The following PRDX5 variants were observed in gnomAD, a reference collection of about 807,000 sequenced individuals.
PRDX5 encodes the protein peroxiredoxin-5, mitochondrial.
Under a neutral mutation model 23.8 loss-of-function variants are expected in PRDX5, and 21 were observed. That is an observed-to-expected ratio of 0.88 (90% confidence interval 0.63 to 1.27). The LOEUF (loss-of-function observed/expected upper bound fraction) is 1.27, where lower values mean the gene tolerates loss of function less well. PRDX5 is among the 50% of genes most tolerant of loss of function. PRDX5 has a pLI of 0.00. For synonymous variants in PRDX5, 111 were observed against 113.3 expected (o/e 0.98, Z 0.13); for missense variants, 261 against 270.6 (o/e 0.96, Z 0.25).
In PRDX5 at chr11:64,321,689, T is replaced by C. The variant is rs2035504736; in HGVS notation, c.643T>C (p.Ter215ArgextTer?). Reference protein sequence around the residue: ...SLAPNIISQL* With the variant: ...SLAPNIISQLR ...GGCACCCAATATCATCTCACAGCTC[T>C]GAGGCCCTGGGCCAGATTACTTCCT... Residue 215 changes from the stop codon to arginine, a stop_lost, in exon 6 of 6, where the codon TGA (stop) becomes CGA (arginine). Coordinates refer to ENST00000265462, the MANE Select transcript of PRDX5 (RefSeq NM_012094.5). The C allele has an allele frequency of 6.4e-7, 1 of 1,570,654 alleles. No homozygotes were observed. Among genetic ancestry groups the C allele is most frequent in the South Asian group, 1.2e-5 (1 of 86,748 alleles).
In PRDX5 at chr11:64,318,286, A is replaced by C; in HGVS notation, c.71A>C (p.Gln24Pro). 1 of 1,612,470 alleles carries C rather than the reference A, an allele frequency of 6.2e-7. No homozygotes were observed. The highest frequency in any genetic ancestry group is 8.5e-7 in the Non-Finnish European group (1 of 1,179,870). ...ATACTCGTCGGTGGGGCCGGCGGTC[A>C]GTCTGCGGCAGCGGCAGCAAGACGG... is the stretch of plus-strand genomic sequence containing the variant. ...GYILVGGAGG[Q>P]SAAAAARRYS... The change falls in exon 1 of 6, where the codon CAG becomes CCG. Residue 24 changes from glutamine (Q) to proline (P), a missense_variant. Gln to Pro is a moderately conservative substitution (Grantham distance 76, BLOSUM62 -1). Coordinates refer to ENST00000265462, the MANE Select transcript of PRDX5 (RefSeq NM_012094.5).
At chr11:64,319,709 CT>C (rs2035437837) in intron 1 of PRDX5, 24 bp from the exon 2 acceptor site, 1 of 1,608,838 alleles carries the variant, frequency 6.2e-7, no homozygotes, top group East Asian at 2.2e-5. Context: ...CCTCACCCCC[CT>C]TACCCTGGAG....
Position 64,318,230 on chromosome 11 carries a change from C to A in PRDX5, c.15C>A (p.Gly5=). 6.2e-7 allele frequency: 1 copy of A among 1,611,746 alleles called. No homozygotes were observed. Among genetic ancestry groups the A allele is most frequent in the Non-Finnish European group, 8.5e-7 (1 of 1,179,806 alleles). MGLA[G]VCALRRSAGY... is the part of the protein sequence containing the mutation. ...GTGGGGCGGGTATGGGACTAGCTGG[C>A]GTGTGCGCCCTGAGACGCTCAGCGG... Residue 5 remains glycine (G), a synonymous_variant, in exon 1 of 6, where the codon GGC becomes GGA. Coordinates refer to ENST00000265462, the MANE Select transcript of PRDX5 (RefSeq NM_012094.5).
chr11:64,321,207 G>T (rs1350549695), intron 5 of PRDX5, 139 bp downstream of exon 5: 1 of 1,052,922 alleles, frequency 9.5e-7, no homozygotes, highest in Non-Finnish European at 1.4e-6. Context: ...AGTCGTCTGT[G>T]GGGAGAGTCC....
intron 5 of PRDX5, among the ~76,000 whole-genome samples, 174 bp downstream of exon 5, chr11:64,321,242 G>T (rs937257474): frequency 6.6e-6 from 1 of 151,440 alleles, no homozygotes; most frequent in Admixed American, 6.6e-5. Flanking sequence ...CCTCTGTGGA[G>T]AGAGTCCTCT....
rs1315351043 is a variant in PRDX5 at position 64,318,266 on chromosome 11, C to G, written c.51C>G (p.Leu17=). ...TGAGACGCTCAGCGGGCTATATACT[C>G]GTCGGTGGGGCCGGCGGTCAGTCTG... The part of the protein sequence containing the change: ...CALRRSAGYI[L]VGGAGGQSAA... The change falls in exon 1 of 6, where the codon CTC becomes CTG. Residue 17 remains leucine (L), a synonymous_variant. Coordinates refer to ENST00000265462, the MANE Select transcript of PRDX5 (RefSeq NM_012094.5). 2.5e-6 allele frequency: 4 copies of G among 1,612,386 alleles called. No homozygotes were observed. Among genetic ancestry groups the G allele is most frequent in the Non-Finnish European group, 3.4e-6 (4 of 1,179,900 alleles).
At position 64,318,335 on chromosome 11, in the gene PRDX5, T is replaced by C; in HGVS notation, c.120T>C (p.Ser40=). 6.2e-7 allele frequency: 1 copy of C among 1,612,428 alleles called. No individual in the cohort carries two copies. The highest frequency in any genetic ancestry group is 8.5e-7 in the Non-Finnish European group (1 of 1,179,702). The change falls in exon 1 of 6, where the codon TCT becomes TCC. Residue 40 remains serine (S), a synonymous_variant. Coordinates refer to ENST00000265462, the MANE Select transcript of PRDX5 (RefSeq NM_012094.5). ...ARRYSEGEWA[S]GGVRSFSRAA... is the part of the protein sequence containing the mutation. ...GGTACAGTGAAGGAGAGTGGGCGTC[T>C]GGCGGGGTCCGCAGTTTCAGCAGAG...
At chr11:64,320,432 A>G (rs2035463405) in intron 2 of PRDX5, among the ~76,000 whole-genome samples, 2 of 152,204 alleles carry the variant, frequency 1.3e-5, no homozygotes, top group African/African-American at 4.8e-5. Flanking sequence ...ACTCAGATAA[A>G]TAAGACATAG....
rs149410533 is a variant in PRDX5 at position 64,318,254 on chromosome 11, G to A, written c.39G>A (p.Ala13=). The change falls in exon 1 of 6, where the codon GCG becomes GCA. Residue 13 remains alanine, a synonymous_variant. Coordinates refer to ENST00000265462, the MANE Select transcript of PRDX5 (RefSeq NM_012094.5). ...GCGTGTGCGCCCTGAGACGCTCAGC[G>A]GGCTATATACTCGTCGGTGGGGCCG... ...LAGVCALRRS[A]GYILVGGAGG... The A allele has an allele frequency of 4.0e-4, 641 of 1,612,104 alleles. 1 individual carries two copies. The highest frequency in any genetic ancestry group is 6.5e-4 in the Middle Eastern group (3 of 4,642).
rs2035478044 is a variant in PRDX5 at position 64,320,913 on chromosome 11, C to T, written c.477+10C>T. The T allele has an allele frequency of 6.2e-7, 1 of 1,614,076 alleles. No individual in the cohort carries two copies. Among genetic ancestry groups the T allele is most frequent in the Admixed American group, 1.7e-5 (1 of 59,998 alleles). On this transcript the variant is annotated intron_variant, in intron 4 of 5. Transcript: ENST00000265462. ...TGGGGCCTTTGGGAAGGTGAGTGTT[C>T]CCCTGACCGCCACAGGGACATGGCA... is the stretch of plus-strand genomic sequence containing the variant.
At chr11:64,319,903 G>A in intron 2 of PRDX5, 35 bp downstream of exon 2, 1 of 1,609,422 alleles carries the variant, frequency 6.2e-7, no homozygotes, top group South Asian at 1.1e-5. Flanking sequence ...TCAGGACCTG[G>A]GATCTTTTGT....
At chr11:64,320,548 A>G (rs1012297914) in intron 2 of PRDX5, 113 bp from the exon 3 acceptor site, 52 of 1,442,156 alleles carry the variant, frequency 3.6e-5, no homozygotes, top group Non-Finnish European at 4.8e-5. Context: ...GACAGCTCTC[A>G]TTGTCTGATC....
Position 64,318,177 on chromosome 11 carries a change from C to T in PRDX5, c.-39C>T, listed in dbSNP as rs760081876. The T allele has an allele frequency of 3.7e-6, 6 of 1,608,820 alleles. No individual in the cohort carries two copies. In the Admixed American group the frequency reaches 6.7e-5, roughly 18 times the overall value. ...CGGTGCCCCGCCTGCTGCGGTGGCA[C>T]CAGCCAGGAGGCGGAGTGGAAGTGG... On this transcript the variant is annotated 5_prime_UTR_variant, in exon 1 of 6. Transcript: ENST00000265462.
At chr11:64,321,301 C>T (rs756718943) in intron 5 of PRDX5, among the ~76,000 whole-genome samples, 2 of 148,426 alleles carry the variant, frequency 1.3e-5, no homozygotes, top group African/African-American at 2.5e-5. Context: ...GGAGAGTCCT[C>T]TGTGTGGAGA....
rs376203241 is a variant in PRDX5, at chr11:64,318,404, C to T, written c.171+18C>T. 1.9e-6 allele frequency: 3 copies of T among 1,593,646 alleles called. No individual in the cohort carries two copies. Among genetic ancestry groups the T allele is most frequent in the East Asian group, 2.3e-5 (1 of 43,844 alleles). On this transcript the variant is annotated intron_variant, in intron 1 of 5. Coordinates refer to ENST00000265462, the MANE Select transcript of PRDX5 (RefSeq NM_012094.5). Reference sequence around the variant, plus strand: ...CAATCAAGGTGACCGCTGGCCCGGCCGGGCCTGACATCCCCCACTACCCCC... The same window carrying T: ...CAATCAAGGTGACCGCTGGCCCGGCTGGGCCTGACATCCCCCACTACCCCC...
chr11:64,318,837 A>ACCCCCCCC (rs374862180), intron 1 of PRDX5, among the ~76,000 whole-genome samples: 19 of 77,416 alleles, frequency 2.5e-4, no homozygotes, highest in African/African-American at 8.6e-4. Flanking sequence ...CCTCAGGTGA[A>ACCCCCCCC]CCCCCCCCGC....
chr11:64,319,952 C>T (rs2035446543), intron 2 of PRDX5, 84 bp downstream of exon 2: 1 of 1,510,610 alleles, frequency 6.6e-7, no homozygotes, highest in East Asian at 2.3e-5. Flanking sequence ...GATAGGACTC[C>T]TAAAAAGCAT....
At position 64,321,702 on chromosome 11, in the gene PRDX5, C is replaced by G; in HGVS notation, c.*11C>G. Reference sequence around the variant, plus strand: ...ATCTCACAGCTCTGAGGCCCTGGGCCAGATTACTTCCTCCACCCCTCCCTA... The same window carrying G: ...ATCTCACAGCTCTGAGGCCCTGGGCGAGATTACTTCCTCCACCCCTCCCTA... On this transcript the variant is annotated 3_prime_UTR_variant, in exon 6 of 6. Transcript: ENST00000265462. 6.4e-7 allele frequency: 1 copy of G among 1,555,230 alleles called. No individual in the cohort carries two copies. Among genetic ancestry groups the G allele is most frequent in the South Asian group, 1.2e-5 (1 of 85,142 alleles).
intron 5 of PRDX5, 55 bp downstream of exon 5, chr11:64,321,123 T>C: frequency 6.8e-7 from 1 of 1,475,180 alleles, no homozygotes; most frequent in South Asian, 1.6e-5. Flanking sequence ...GAGTCCTCTG[T>C]GGGAGAGAGT....
Sources: allele counts gnomAD v4.1 joint callset (sites outside exome capture counted in the v4.1 genomes callset), GRCh38; gene constraint gnomAD v4.1.1; transcripts MANE v1.5; gene names NCBI Gene and HGNC (gene_info 2026-07-23, HGNC 2026-07-21).